VRK2: variants seen among roughly 807,000 people sequenced by gnomAD.
VRK2 encodes serine/threonine-protein kinase VRK2.
VRK2 carries 60 observed loss-of-function variants against 57.6 expected under a neutral mutation model. The ratio of observed to expected loss-of-function variants is 1.04; its 90% CI spans 0.85 to 1.29. The LOEUF is 1.29. Among genes scored for constraint, VRK2 ranks in the 50% most tolerant of loss-of-function variants. The pLI, the probability that VRK2 is intolerant of heterozygous loss-of-function variation, is 0.00. For synonymous variants in VRK2, 231 were observed against 199.2 expected, an observed-to-expected ratio of 1.16 and a Z score of -1.35; for missense variants, 705 against 588.1, an observed-to-expected ratio of 1.20 and a Z score of -2.06.
chr2:57,927,831 G>T (rs570838768), intron 1 of VRK2, among the ~76,000 whole-genome samples: 9 of 152,198 alleles, frequency 5.9e-5, no homozygotes, highest in Middle Eastern at 3.4e-3. Context: ...TAAAAGTGGG[G>T]TTTTTTTCCT....
intron 11 of VRK2, 136 bp from the exon 12 acceptor site, chr2:58,146,180 A>T: frequency 2.7e-6 from 2 of 730,908 alleles, no homozygotes; most frequent in East Asian, 6.3e-5. Flanking sequence ...TGTAATGTCC[A>T]CTTGCTGCTT....
chr2:58,044,978 C>T (rs1423086251), upstream of VRK2, among the ~76,000 whole-genome samples: 1 of 152,150 alleles, frequency 6.6e-6, no homozygotes, highest in African/African-American at 2.4e-5. Flanking sequence ...TCTCTCAATC[C>T]TCCTCCTTCT....
Position 58,126,141 on chromosome 2 carries a change from A to G in VRK2, c.676+2908A>G, listed in dbSNP as rs544665392. Among the ~76,000 whole-genome samples, 753 of 152,164 alleles carry G rather than the reference A, an allele frequency of 4.9e-3. 2 individuals carry two copies. The highest frequency in any genetic ancestry group is 0.017 in the African/African-American group (720 of 41,534). On this transcript the variant is annotated intron_variant, in intron 8 of 12. Coordinates refer to ENST00000340157, the MANE Select transcript of VRK2 (RefSeq NM_006296.7). ...AAAAATAGTGCAAAATAAAGTACAA[A>G]AAGCAAAAAAAAAAAAGTCACTAGG...
At chr2:58,153,636 T>C (rs527637357) in intron 12 of VRK2, among the ~76,000 whole-genome samples, 18 of 152,272 alleles carry the variant, frequency 1.2e-4, no homozygotes, top group Admixed American at 7.8e-4. Flanking sequence ...TGAGGAGTTT[T>C]ACATCTGTGC....
At chr2:58,099,313 A>G (rs17049334) in intron 7 of VRK2, among the ~76,000 whole-genome samples, 10,471 of 152,136 alleles carry the variant, frequency 0.069, 434 homozygotes, top group Middle Eastern at 0.1. Flanking sequence ...ATTCTAGTCT[A>G]TACTGAGCTT....
At chr2:57,963,170 C>A (rs1671812041) in intron 1 of VRK2, among the ~76,000 whole-genome samples, 1 of 152,180 alleles carries the variant, frequency 6.6e-6, no homozygotes, top group Non-Finnish European at 1.5e-5. Flanking sequence ...AGCTAGATAC[C>A]AGTCCTCTAC....
At chr2:58,060,162 A>G (rs1677114280) in intron 2 of VRK2, among the ~76,000 whole-genome samples, 1 of 151,858 alleles carries the variant, frequency 6.6e-6, no homozygotes, top group Admixed American at 6.6e-5. Context: ...CACTTCAAGA[A>G]AAGTGAGAAG....
intron 1 of VRK2, among the ~76,000 whole-genome samples, chr2:57,938,688 C>T (rs968958047): frequency 3.9e-5 from 6 of 151,960 alleles, no homozygotes; most frequent in Non-Finnish European, 5.9e-5. Flanking sequence ...CTATGAAAGC[C>T]TGTTTCTCTC....
chr2:58,058,128 G>A (rs535577507), intron 2 of VRK2, among the ~76,000 whole-genome samples: 1 of 152,206 alleles, frequency 6.6e-6, no homozygotes, highest in African/African-American at 2.4e-5. Context: ...TGAGAGGCAA[G>A]GGCTCAAAGT....
At chr2:58,134,929 C>G (rs1679794246) in intron 9 of VRK2, among the ~76,000 whole-genome samples, 1 of 151,964 alleles carries the variant, frequency 6.6e-6, no homozygotes, top group African/African-American at 2.4e-5. Flanking sequence ...CTACGTTAGT[C>G]TAGGTTATTG....
intron 1 of VRK2, among the ~76,000 whole-genome samples, chr2:57,926,821 G>A (rs1670554451): frequency 1.3e-5 from 2 of 150,802 alleles, no homozygotes. Context: ...CAGCCACTCT[G>A]TGTTTTTTGA....
chr2:57,937,452 G>T (rs573367023), intron 1 of VRK2, among the ~76,000 whole-genome samples: 3 of 152,200 alleles, frequency 2.0e-5, no homozygotes, highest in African/African-American at 7.2e-5. Context: ...TTTTCTTAGT[G>T]CATCAATGAT....
chr2:58,143,111 G>C (rs1681582401), intron 11 of VRK2, among the ~76,000 whole-genome samples: 2 of 151,764 alleles, frequency 1.3e-5, no homozygotes, highest in South Asian at 4.2e-4. Context: ...TTTTTCCTAA[G>C]CTTTAAGTCT....
chr2:57,917,075 G>C (rs1404908222), intron 1 of VRK2, among the ~76,000 whole-genome samples: 3 of 152,100 alleles, frequency 2.0e-5, no homozygotes, highest in East Asian at 1.9e-4. Context: ...TAGGGAAACA[G>C]ATATTATCCC....
intron 1 of VRK2, among the ~76,000 whole-genome samples, chr2:58,004,493 G>A (rs1368118660): frequency 6.6e-6 from 1 of 152,202 alleles, no homozygotes; most frequent in African/African-American, 2.4e-5. Context: ...ACAAATCTAG[G>A]CATTATTCTG....
At chr2:58,137,157 T>C (rs1371860260) in intron 10 of VRK2, among the ~76,000 whole-genome samples, 8 of 53,694 alleles carry the variant, frequency 1.5e-4, no homozygotes, top group East Asian at 4.3e-4. Context: ...ATCATGTGTT[T>C]ATATATATCA....
intron 11 of VRK2, among the ~76,000 whole-genome samples, chr2:58,145,099 T>C (rs1157906286): frequency 2.0e-5 from 3 of 152,020 alleles, no homozygotes; most frequent in African/African-American, 7.2e-5. Context: ...TCAGCTGCTA[T>C]AAACATGAAG....
At chr2:58,147,350 T>C (rs775950442) in intron 12 of VRK2, among the ~76,000 whole-genome samples, 2 of 151,956 alleles carry the variant, frequency 1.3e-5, no homozygotes, top group South Asian at 2.1e-4. Context: ...CTTTCGAGTA[T>C]AAAATAGTGG....
intron 2 of VRK2, among the ~76,000 whole-genome samples, chr2:58,053,562 A>G (rs1482632808): frequency 3.9e-5 from 6 of 152,222 alleles, no homozygotes. Flanking sequence ...AACCACATAC[A>G]TAGAATGTTT....
Sources: gnomAD v4.1 joint callset for allele counts (sites outside exome capture counted in the v4.1 genomes callset) on GRCh38, gnomAD v4.1.1 for gene constraint, MANE v1.5 for transcripts, NCBI Gene and HGNC (gene_info 2026-07-23, HGNC 2026-07-21) for gene names.